The following CENPP variants were observed in gnomAD, a reference collection of about 807,000 sequenced individuals.
CENPP encodes centromere protein P.
In CENPP, 24 loss-of-function variants were observed where a neutral mutation model predicts 35.6. That is an observed-to-expected ratio of 0.67 (90% CI 0.49 to 0.95). The LOEUF is 0.95. Ranked by LOEUF, CENPP falls within the 40% of genes least tolerant of loss-of-function variation. The pLI is 0.00. For synonymous variants in CENPP, 120 were observed against 125.5 expected (o/e 0.96, Z 0.29); for missense variants, 332 against 345.3 (o/e 0.96, Z 0.31).
intron 5 of CENPP, among the ~76,000 whole-genome samples, chr9:92,408,932 T>C (rs1213990608): frequency 6.6e-6 from 1 of 152,220 alleles, no homozygotes; most frequent in South Asian, 2.1e-4. Context: ...CTCATACTTA[T>C]GCTTGAAGCC....
intron 5 of CENPP, among the ~76,000 whole-genome samples, chr9:92,554,016 C>T (rs1315626990): frequency 6.6e-6 from 1 of 152,022 alleles, no homozygotes; most frequent in African/African-American, 2.4e-5. Flanking sequence ...TCAACTTTTC[C>T]CCATTCAGTA....
intron 5 of CENPP, among the ~76,000 whole-genome samples, chr9:92,573,730 GCT>G (rs1401118349): frequency 3.3e-5 from 5 of 152,202 alleles, no homozygotes; most frequent in African/African-American, 7.2e-5. Context: ...GGCCTACTGA[GCT>G]GCAGTGGGCT....
At chr9:92,546,325 A>C (rs1018848947) in intron 5 of CENPP, among the ~76,000 whole-genome samples, 6 of 152,080 alleles carry the variant, frequency 3.9e-5, no homozygotes, top group Non-Finnish European at 7.4e-5. Context: ...CTGACAACCC[A>C]CCAGAGGTCC....
At chr9:92,383,563 A>T (rs1842318469) in intron 5 of CENPP, among the ~76,000 whole-genome samples, 1 of 152,098 alleles carries the variant, frequency 6.6e-6, no homozygotes, top group South Asian at 2.1e-4. Context: ...TGGAGACAGC[A>T]TATTTTTACT....
chr9:92,538,510 GAAGTAACTCTTA>G (rs1849242322), intron 5 of CENPP, among the ~76,000 whole-genome samples: 1 of 152,134 alleles, frequency 6.6e-6, no homozygotes, highest in African/African-American at 2.4e-5. Context: ...AATCAAAAAA[GAAGTAACTCTTA>G]AAGTAACAGC....
chr9:92,495,903 C>CT (rs1317084353), intron 5 of CENPP: 2 of 984,336 alleles, frequency 2.0e-6, no homozygotes, highest in Non-Finnish European at 2.4e-6. Flanking sequence ...ATTCTGCCTG[C>CT]TTTTTTTGTT....
chr9:92,514,896 C>G (rs374472469), intron 5 of CENPP: 2 of 1,613,646 alleles, frequency 1.2e-6, no homozygotes, highest in African/African-American at 2.7e-5. Context: ...GGCGTTGTTG[C>G]TGGTGTGCCA....
At chr9:92,549,501 G>A (rs1356879650) in intron 5 of CENPP, among the ~76,000 whole-genome samples, 1 of 152,062 alleles carries the variant, frequency 6.6e-6, no homozygotes, top group Non-Finnish European at 1.5e-5. Context: ...ACAAAAATTA[G>A]CTGGGCGTTG....
intron 5 of CENPP, among the ~76,000 whole-genome samples, chr9:92,567,369 G>GATATATATATATATATATATATAT (rs888840109): frequency 4.8e-5 from 5 of 104,086 alleles, no homozygotes; most frequent in African/African-American, 8.7e-5. Context: ...AGTTACATAA[G>GATATATATATATATATATATATAT]ATAGATATAT....
At chr9:92,337,894 A>G (rs971848430) in intron 3 of CENPP, among the ~76,000 whole-genome samples, 1 of 152,222 alleles carries the variant, frequency 6.6e-6, no homozygotes, top group African/African-American at 2.4e-5. Flanking sequence ...TTCCAGTGCA[A>G]TTCCATGAGG....
chr9:92,569,085 G>T (rs577855464), intron 5 of CENPP, among the ~76,000 whole-genome samples: 1 of 152,046 alleles, frequency 6.6e-6, no homozygotes. Flanking sequence ...CTTTAGTTTA[G>T]TAGATCCCAT....
In CENPP at chr9:92,561,965, C is replaced by T. The variant is rs145022165; in HGVS notation, c.565-49349C>T. ...CTGAAGTGTCACAGAAGCTAAATGA[C>T]TTTTCAGGCTAAGTGAAAAGTCACT... On this transcript the variant is annotated intron_variant, in intron 5 of 7. Transcript: ENST00000375587. 1.3e-3 allele frequency among the ~76,000 whole-genome samples: 192 copies of T among 152,278 alleles called. No homozygotes were observed. In the South Asian group the frequency reaches 0.017, roughly 13 times the overall value.
intron 4 of CENPP, among the ~76,000 whole-genome samples, chr9:92,375,538 C>T (rs1008075101): frequency 2.0e-5 from 3 of 151,968 alleles, no homozygotes; most frequent in Non-Finnish European, 4.4e-5. Context: ...CCTTGAGATC[C>T]GCCCACCTCG....
chr9:92,381,315 A>C (rs1842237736), intron 5 of CENPP, among the ~76,000 whole-genome samples: 1 of 145,590 alleles, frequency 6.9e-6, no homozygotes. Flanking sequence ...ACAGGGTCTC[A>C]CTCTGTCACC....
chr9:92,442,058 A>G (rs1844404931), intron 5 of CENPP, among the ~76,000 whole-genome samples: 1 of 152,144 alleles, frequency 6.6e-6, no homozygotes, highest in African/African-American at 2.4e-5. Flanking sequence ...CAGTCCAGTA[A>G]ACACACAAAT....
intron 4 of CENPP, among the ~76,000 whole-genome samples, chr9:92,368,226 G>T (rs1841933916): frequency 6.6e-6 from 1 of 152,068 alleles, no homozygotes; most frequent in Admixed American, 6.6e-5. Context: ...ATGGATCATT[G>T]TGCACAAACT....
Position 92,343,201 on chromosome 9 carries a change from CTT to C in CENPP, c.379-2497_379-2496del, listed in dbSNP as rs1243196103. ...ATAGAATGTTAGAACAAAGTGATGA[CTT>C]ATAGTTTGTCTAGGTCAACCCTATT... On this transcript the variant is annotated intron_variant, in intron 3 of 7. Transcript: ENST00000375587. Among the ~76,000 whole-genome samples, 6 of 152,126 alleles carry C rather than the reference CTT, an allele frequency of 3.9e-5. No homozygotes were observed. In the East Asian group the frequency reaches 1.2e-3, roughly 29 times the overall value.
At chr9:92,508,970 G>A (rs1190620032) in intron 5 of CENPP, among the ~76,000 whole-genome samples, 1 of 151,934 alleles carries the variant, frequency 6.6e-6, no homozygotes, top group Non-Finnish European at 1.5e-5. Flanking sequence ...GGCAGTCCTT[G>A]TCTCAAAAAA....
At chr9:92,517,929 G>A in intron 5 of CENPP, 2 of 1,596,460 alleles carry the variant, frequency 1.3e-6, no homozygotes, top group Non-Finnish European at 1.7e-6. Context: ...ATCAGTAACT[G>A]TGAATGGAAG....
Sources: gnomAD v4.1 joint callset for allele counts (sites outside exome capture counted in the v4.1 genomes callset) on GRCh38, gnomAD v4.1.1 for gene constraint, MANE v1.5 for transcripts, NCBI Gene and HGNC (gene_info 2026-07-23, HGNC 2026-07-21) for gene names.